The following ZNF253 variants were observed in gnomAD, a reference collection of about 807,000 sequenced individuals.
The protein encoded by ZNF253 is DNA-binding protein.
ZNF253 carries 8 observed loss-of-function variants against 11.9 expected under a neutral mutation model. The observed-to-expected ratio is 0.67, with a 90% CI of 0.40 to 1.22. The LOEUF (loss-of-function observed/expected upper bound fraction) is 1.22, where lower values mean the gene tolerates loss of function less well. Ranked by LOEUF, ZNF253 falls within the 50% of genes most tolerant of loss-of-function variation. The probability of loss-of-function intolerance (pLI) is 0.01; values close to 1 mark genes in which losing one functional copy is unlikely to be tolerated. For missense variants in ZNF253, 485 were observed against 586.9 expected, an observed-to-expected ratio of 0.83 and a Z score of 1.79; for synonymous variants, 194 against 194.9, an observed-to-expected ratio of 1.00 and a Z score of 0.04.
chr19:19,869,266 A>C (rs971883694), intron 1 of ZNF253, among the ~76,000 whole-genome samples: 3 of 152,212 alleles, frequency 2.0e-5, no homozygotes, highest in East Asian at 3.8e-4. Flanking sequence ...AACAGTGCAT[A>C]AACAGTGGAG....
intron 3 of ZNF253, 115 bp downstream of exon 3, chr19:19,880,261 T>G: frequency 6.7e-6 from 4 of 594,556 alleles, no homozygotes; most frequent in South Asian, 4.0e-5. Flanking sequence ...AGGAAATAGG[T>G]CCTGGGCAGC....
At chr19:19,870,203 C>T (rs1017725177) in intron 1 of ZNF253, among the ~76,000 whole-genome samples, 1 of 151,702 alleles carries the variant, frequency 6.6e-6, no homozygotes, top group African/African-American at 2.4e-5. Flanking sequence ...TCGACACCAG[C>T]CTGACATGGT....
At position 19,891,922 on chromosome 19, in the gene ZNF253, G is replaced by A. The variant is rs115020049; in HGVS notation, c.675G>A (p.Glu225=). ...CACATAAGAGAATTCATACCGGAGA[G>A]AAACCCTACAGATGTGAAGAATGTG... ...LTTHKRIHTG[E]KPYRCEECGK... Residue 225 remains glutamate, a synonymous_variant, in exon 4 of 4, where the codon GAG becomes GAA. Transcript: ENST00000589717. 1.2e-3 allele frequency: 1,865 copies of A among 1,613,884 alleles called. 22 individuals carry two copies. The African/African-American group carries it at 0.023, about 20-fold the overall frequency.
intron 3 of ZNF253, among the ~76,000 whole-genome samples, chr19:19,890,698 T>G (rs1485886140): frequency 6.6e-6 from 1 of 151,992 alleles, no homozygotes; most frequent in Non-Finnish European, 1.5e-5. Context: ...ATTTTCTGTA[T>G]TTTTAGTTGA....
rs2063245650 is a variant in ZNF253, at chr19:19,894,347, T to G, written c.*1600T>G. ...TTCACATGTGAAAGCATGTGATCAA[T>G]TGTTGCTGCATTAGAGATATTAGAG... On this transcript the variant is annotated 3_prime_UTR_variant, in exon 4 of 4. Transcript: ENST00000589717. 1 of 152,246 alleles carries G rather than the reference T, an allele frequency of 6.6e-6. No individual in the cohort carries two copies. The highest frequency in any genetic ancestry group is 1.5e-5 in the Non-Finnish European group (1 of 68,040). The allele number at this position is 152,246 out of a possible 1,614,324, so 9.4% of individuals were successfully genotyped here. A position where few individuals can be genotyped will look rare whatever the true frequency, so the allele number is the denominator to read the frequency against.
chr19:19,881,052 GA>G (rs1222578984), intron 3 of ZNF253, among the ~76,000 whole-genome samples: 1 of 151,862 alleles, frequency 6.6e-6, no homozygotes, highest in African/African-American at 2.4e-5. Context: ...CCATTACTGT[GA>G]AAAAAATACT....
intron 3 of ZNF253, among the ~76,000 whole-genome samples, chr19:19,889,209 T>C (rs918213971): frequency 6.6e-6 from 1 of 151,774 alleles, no homozygotes; most frequent in African/African-American, 2.4e-5. Context: ...GTTATTTTTA[T>C]ATTTTTTATA....
At chr19:19,872,037 A>G (rs2063135842) in intron 1 of ZNF253, among the ~76,000 whole-genome samples, 1 of 152,120 alleles carries the variant, frequency 6.6e-6, no homozygotes, top group Non-Finnish European at 1.5e-5. Context: ...CCTTTTTGGC[A>G]TCTATAGTCC....
rs1203340475 is a variant in ZNF253 at position 19,885,288 on chromosome 19, TTTC to T, written c.226+5144_226+5146del. ...CTTTCTTTCTTTCTTTCTTTCTTTC[TTTC>T]TCTTTCTTTTCTTTCTTTCTTTCTT... On this transcript the variant is annotated intron_variant, in intron 3 of 3. Coordinates refer to ENST00000589717, the MANE Select transcript of ZNF253 (RefSeq NM_021047.3). 1.1e-4 allele frequency among the ~76,000 whole-genome samples: 5 copies of T among 44,730 alleles called. 1 individual carries two copies. In the African/African-American group the frequency reaches 1.8e-3, roughly 16 times the overall value. 29.3% of individuals were successfully genotyped at this position (44,730 alleles called of 152,430 possible).
Position 19,878,487 on chromosome 19 carries a change from T to C in ZNF253, c.10T>C (p.Leu4=), listed in dbSNP as rs190030835. 510 of 1,613,900 alleles carry C rather than the reference T, an allele frequency of 3.2e-4. 1 individual carries two copies. In the African/African-American group the frequency reaches 6.3e-3, roughly 20 times the overall value. MGP[L]QFRDVAIEFS... is the part of the protein sequence containing the mutation. ...GTGTGTGTGTGTTTTCCAGGGACCA[T>C]TGCAATTTAGAGATGTGGCCATAGA... The change falls in exon 2 of 4, where the codon TTG becomes CTG. Residue 4 remains leucine (L), a synonymous_variant. Transcript: ENST00000589717.
rs562252801 is a variant in ZNF253, at chr19:19,894,494, G to A, written c.*1747G>A. ...GCTCTTTGTAGTTAACTGATATTAA[G>A]TAATGTGTAAGGTGGGGGTTCATGT... On this transcript the variant is annotated 3_prime_UTR_variant, in exon 4 of 4. Coordinates refer to ENST00000589717, the MANE Select transcript of ZNF253 (RefSeq NM_021047.3). The A allele has an allele frequency of 1.3e-5, 2 of 152,284 alleles. No individual in the cohort carries two copies. The highest frequency in any genetic ancestry group is 2.9e-5 in the Non-Finnish European group (2 of 68,014). 9.4% of individuals were successfully genotyped at this position (152,284 alleles called of 1,614,324 possible).
At chr19:19,884,668 C>G (rs540925780) in intron 3 of ZNF253, among the ~76,000 whole-genome samples, 4 of 150,206 alleles carry the variant, frequency 2.7e-5, no homozygotes, top group Non-Finnish European at 5.9e-5. Flanking sequence ...CACTACACTT[C>G]GCCTGTGTTA....
Position 19,894,275 on chromosome 19 carries a change from TATA to T in ZNF253, c.*1532_*1534del, listed in dbSNP as rs1248248226. On this transcript the variant is annotated 3_prime_UTR_variant, in exon 4 of 4. Coordinates refer to ENST00000589717, the MANE Select transcript of ZNF253 (RefSeq NM_021047.3). ...AATTTTTTTGAAAAGTGAATAATGA[TATA>T]ATACAGCTTTCACATTGCTTTATGC... The T allele has an allele frequency of 2.6e-5, 4 of 152,360 alleles. No individual in the cohort carries two copies. In the East Asian group the frequency reaches 7.7e-4, roughly 29 times the overall value. 9.4% of individuals were successfully genotyped at this position (152,360 alleles called of 1,614,324 possible).
At chr19:19,891,044 C>T (rs2063227251) in intron 3 of ZNF253, among the ~76,000 whole-genome samples, 1 of 150,270 alleles carries the variant, frequency 6.7e-6, no homozygotes, top group African/African-American at 2.5e-5. Flanking sequence ...GTTTCACCAT[C>T]TTGGCCAGGC....
At chr19:19,878,058 C>A (rs895386156) in intron 1 of ZNF253, among the ~76,000 whole-genome samples, 1 of 147,194 alleles carries the variant, frequency 6.8e-6, no homozygotes, top group African/African-American at 2.5e-5. Flanking sequence ...AGACTTTATG[C>A]CAGATCTTCC....
intron 3 of ZNF253, among the ~76,000 whole-genome samples, chr19:19,889,033 T>C (rs981892415): frequency 2.6e-5 from 4 of 152,144 alleles, no homozygotes; most frequent in Non-Finnish European, 5.9e-5. Context: ...AGACTATGCT[T>C]ATAAATGACA....
At chr19:19,885,831 C>A (rs2063204543) in intron 3 of ZNF253, among the ~76,000 whole-genome samples, 1 of 152,132 alleles carries the variant, frequency 6.6e-6, no homozygotes, top group African/African-American at 2.4e-5. Flanking sequence ...GTTGTATTGA[C>A]ATCTTTGAAC....
intron 3 of ZNF253, among the ~76,000 whole-genome samples, chr19:19,881,258 G>A (rs1218451737): frequency 2.6e-5 from 4 of 151,834 alleles, no homozygotes; most frequent in Non-Finnish European, 4.4e-5. Context: ...ATTATGTAAT[G>A]CTATAGTAAA....
chr19:19,886,831 G>A lies in ZNF253; in HGVS notation c.227-4643G>A, dbSNP rs186113624. On this transcript the variant is annotated intron_variant, in intron 3 of 3. Coordinates refer to ENST00000589717, the MANE Select transcript of ZNF253 (RefSeq NM_021047.3). The stretch of plus-strand genomic sequence containing the variant: ...CTCTATATGCAAAATAATTAATATT[G>A]TCTATAATGTTAGCTAAGTTTTTTT... Among the ~76,000 whole-genome samples, 340 of 152,122 alleles carry A rather than the reference G, an allele frequency of 2.2e-3. 2 individuals carry two copies. Among genetic ancestry groups the A allele is most frequent in the Non-Finnish European group, 4.0e-3 (271 of 67,988 alleles).
Sources: gnomAD v4.1 joint callset for allele counts (sites outside exome capture counted in the v4.1 genomes callset) on GRCh38, gnomAD v4.1.1 for gene constraint, MANE v1.5 for transcripts, NCBI Gene and HGNC (gene_info 2026-07-23, HGNC 2026-07-21) for gene names.